NINJ2: variants seen among roughly 807,000 people sequenced by gnomAD.
NINJ2 encodes ninjurin-2.
Under a neutral mutation model 11.7 loss-of-function variants are expected in NINJ2, and 12 were observed. That is an observed-to-expected ratio of 1.02 (90% confidence interval 0.66 to 1.66). The LOEUF (loss-of-function observed/expected upper bound fraction) is 1.66, where lower values mean the gene tolerates loss of function less well. Among genes scored for constraint, NINJ2 ranks in the 40% most tolerant of loss-of-function variants. NINJ2 has a pLI of 0.00. For missense variants in NINJ2, 187 were observed against 181.8 expected, an observed-to-expected ratio of 1.03 and a Z score of -0.16; for synonymous variants, 93 against 76.8, an observed-to-expected ratio of 1.21 and a Z score of -1.10.
chr12:643,324 C>T (rs1050607834), intron 1 of NINJ2: 12 of 591,880 alleles, frequency 2.0e-5, no homozygotes, highest in Non-Finnish European at 1.9e-5. Flanking sequence ...CTCGCAGCCT[C>T]GCAGCCCCGC....
intron 1 of NINJ2, among the ~76,000 whole-genome samples, chr12:656,748 CAAA>C (rs397702753): frequency 9.4e-6 from 1 of 106,510 alleles, no homozygotes. Context: ...GACTCTGTCT[CAAA>C]AAAAAAAAAA....
chr12:568,876 A>ACCCCCCCCCCCC (rs5795931), intron 1 of NINJ2, among the ~76,000 whole-genome samples: 1 of 112,766 alleles, frequency 8.9e-6, no homozygotes, highest in African/African-American at 3.7e-5. Flanking sequence ...CTGTGAGGAC[A>ACCCCCCCCCCCC]CCCCCCCCCC....
At chr12:619,281 G>A (rs1205704826) in intron 1 of NINJ2, among the ~76,000 whole-genome samples, 1 of 152,192 alleles carries the variant, frequency 6.6e-6, no homozygotes, top group Non-Finnish European at 1.5e-5. Flanking sequence ...GGTGCTTGCT[G>A]GCAATATAAG....
chr12:629,896 A>AAAAAAAAAATATATAT, intron 1 of NINJ2, among the ~76,000 whole-genome samples: 3 of 9,904 alleles, frequency 3.0e-4, no homozygotes, highest in Non-Finnish European at 9.4e-4. Context: ...AAAAAAAAAA[A>AAAAAAAAAATATATAT]ATATATATAT....
At chr12:657,990 T>C (rs1937895846) in intron 1 of NINJ2, among the ~76,000 whole-genome samples, 1 of 40,420 alleles carries the variant, frequency 2.5e-5, no homozygotes. Context: ...TACACAGGCT[T>C]TTTTTTTTTT....
At chr12:601,312 T>A (rs189413645) in intron 1 of NINJ2, among the ~76,000 whole-genome samples, 1 of 147,310 alleles carries the variant, frequency 6.8e-6, no homozygotes, top group Non-Finnish European at 1.5e-5. Flanking sequence ...TTTGGGAGGC[T>A]GAGGCGGGCG....
chr12:642,661 G>C (rs1454634700), intron 1 of NINJ2: 1 of 152,592 alleles, frequency 6.6e-6, no homozygotes, highest in Non-Finnish European at 1.5e-5. Flanking sequence ...TGCCCACGGA[G>C]GGGGGCGGGC....
intron 1 of NINJ2, among the ~76,000 whole-genome samples, chr12:603,737 T>G (rs1947902801): frequency 6.6e-6 from 1 of 152,114 alleles, no homozygotes; most frequent in Non-Finnish European, 1.5e-5. Context: ...CTTGGCTCAG[T>G]GCAACCTCTG....
chr12:655,435 T>A (rs1217802435), intron 1 of NINJ2, among the ~76,000 whole-genome samples: 1 of 152,234 alleles, frequency 6.6e-6, no homozygotes, highest in Non-Finnish European at 1.5e-5. Flanking sequence ...GATACAAGGT[T>A]AATACATAAA....
chr12:615,695 T>C lies in NINJ2; in HGVS notation c.33+47633A>G, dbSNP rs148846088. 9.2e-5 allele frequency among the ~76,000 whole-genome samples: 14 copies of C among 152,344 alleles called. No homozygotes were observed. The East Asian group carries it at 2.7e-3, about 29-fold the overall frequency. On this transcript the variant is annotated intron_variant, in intron 1 of 3. Coordinates refer to ENST00000305108, the MANE Select transcript of NINJ2 (RefSeq NM_016533.6). ...GGCTAAATTTATCCCTCTTTCTCAG[T>C]TCTCCCAAAGCATTTGCTTCACTCC...
intron 1 of NINJ2, among the ~76,000 whole-genome samples, chr12:636,119 G>C (rs1211616923): frequency 6.6e-6 from 1 of 152,148 alleles, no homozygotes; most frequent in Non-Finnish European, 1.5e-5. Context: ...GCTTACGCCT[G>C]TAATCCTAGC....
intron 1 of NINJ2, among the ~76,000 whole-genome samples, chr12:586,678 G>A (rs369430161): frequency 5.3e-5 from 8 of 152,168 alleles, no homozygotes; most frequent in South Asian, 2.1e-4. Flanking sequence ...CAGAACCATC[G>A]GGGCAAGGGA....
At position 609,315 on chromosome 12, in the gene NINJ2, A is replaced by C. The variant is rs1317682761; in HGVS notation, c.34-43137T>G. ...ACGCACACGCACGGCGCCACGCGCT[A>C]GGTGCTGAACGCACACGCACGGCGC... On this transcript the variant is annotated intron_variant, in intron 1 of 3. Transcript: ENST00000305108. 5.1e-5 allele frequency among the ~76,000 whole-genome samples: 6 copies of C among 118,792 alleles called. No individual in the cohort carries two copies. In the East Asian group the frequency reaches 1.3e-3, roughly 26 times the overall value. The allele number at this position is 118,792 out of a possible 152,430, so 77.9% of individuals were successfully genotyped here.
chr12:631,922 T>A (rs559584715), intron 1 of NINJ2, among the ~76,000 whole-genome samples: 3 of 152,208 alleles, frequency 2.0e-5, no homozygotes, highest in Non-Finnish European at 4.4e-5. Context: ...GCTTCCTGCA[T>A]GCCCTTGACA....
At chr12:611,317 CTCTCTCTT>C (rs890607338) in intron 1 of NINJ2, among the ~76,000 whole-genome samples, 4 of 149,012 alleles carry the variant, frequency 2.7e-5, no homozygotes, top group South Asian at 2.1e-4. Flanking sequence ...CTTTCTCTCT[CTCTCTCTT>C]TCTTTCTTTT....
At chr12:603,880 C>T (rs969673013) in intron 1 of NINJ2, among the ~76,000 whole-genome samples, 10 of 152,152 alleles carry the variant, frequency 6.6e-5, no homozygotes, top group South Asian at 4.1e-4. Flanking sequence ...AGTCTGGTTT[C>T]GAACTCCTGA....
chr12:635,900 C>T (rs1032984600), intron 1 of NINJ2, among the ~76,000 whole-genome samples: 3 of 151,894 alleles, frequency 2.0e-5, no homozygotes, highest in Admixed American at 2.0e-4. Flanking sequence ...CATGGTAAAA[C>T]GCTGTCTCTA....
At chr12:578,467 C>T (rs1947500961) in intron 1 of NINJ2, among the ~76,000 whole-genome samples, 1 of 152,050 alleles carries the variant, frequency 6.6e-6, no homozygotes, top group African/African-American at 2.4e-5. Context: ...TACAAGTGCA[C>T]ACCACTACAC....
In NINJ2 at chr12:583,266, G is replaced by C. The variant is rs111594202; in HGVS notation, c.34-17088C>G. Among the ~76,000 whole-genome samples, 228 of 152,362 alleles carry C rather than the reference G, an allele frequency of 1.5e-3. 2 individuals carry two copies. Among genetic ancestry groups the C allele is most frequent in the African/African-American group, 5.2e-3 (216 of 41,582 alleles). Reference sequence around the variant, plus strand: ...GCAGGCAGGCAGGCATGCTAGTCCTGCCTTTAGCGCTGGCCCAGATTCAGG... The same window carrying C: ...GCAGGCAGGCAGGCATGCTAGTCCTCCCTTTAGCGCTGGCCCAGATTCAGG... On this transcript the variant is annotated intron_variant, in intron 1 of 3. Transcript: ENST00000305108.
Sources: allele counts gnomAD v4.1 joint callset (sites outside exome capture counted in the v4.1 genomes callset), GRCh38; gene constraint gnomAD v4.1.1; transcripts MANE v1.5; gene names NCBI Gene and HGNC (gene_info 2026-07-23, HGNC 2026-07-21).